Variants in PRPF4 observed in about 807,000 individuals in gnomAD.
PRPF4 encodes the protein pre-mRNA splicing tri-snRNP complex factor PRPF4.
PRPF4 carries 14 observed loss-of-function variants against 72.2 expected under a neutral mutation model. The observed-to-expected ratio is 0.19, with a 90% CI of 0.13 to 0.30. The LOEUF (loss-of-function observed/expected upper bound fraction) is 0.30, where lower values mean the gene tolerates loss of function less well. PRPF4 is among the 10% of genes least tolerant of loss of function. PRPF4 has a pLI of 1.00. For missense variants in PRPF4, 478 were observed against 653.9 expected, an observed-to-expected ratio of 0.73 and a Z score of 2.93; for synonymous variants, 225 against 232.2, an observed-to-expected ratio of 0.97 and a Z score of 0.28.
chr9:113,287,625 C>A (rs1832488525), intron 9 of PRPF4, among the ~76,000 whole-genome samples: 1 of 152,246 alleles, frequency 6.6e-6, no homozygotes, highest in South Asian at 2.1e-4. Flanking sequence ...TCACTCCTCA[C>A]CAGACAGGGT....
Position 113,278,942 on chromosome 9 carries a change from T to C in PRPF4, c.206-3T>C, listed in dbSNP as rs1227817374. 6.2e-6 allele frequency: 10 copies of C among 1,613,812 alleles called. No homozygotes were observed. In the Admixed American group the frequency reaches 6.7e-5, roughly 11 times the overall value. On this transcript the variant is annotated splice_polypyrimidine_tract_variant and splice_region_variant and intron_variant, in intron 2 of 13. Transcript: ENST00000374198. The stretch of plus-strand genomic sequence containing the variant: ...CTGATGTTGCCTGTTTTCTTTTTAA[T>C]AGGAGAAGTGTTTGAAATTGAAGAG...
At position 113,275,702 on chromosome 9, in the gene PRPF4, G is replaced by A. The variant is rs1832066503; in HGVS notation, c.-42G>A. On this transcript the variant is annotated 5_prime_UTR_variant, in exon 1 of 14. It adds an upstream start codon to the 5' untranslated region. Transcript: ENST00000374198. ...CGCGCGGTGGACGGTCTGAAAGGGA[G>A]TGTTCGGGTTTCGCTGGGGCCTCGC... is the stretch of plus-strand genomic sequence containing the variant. 4 of 1,603,916 alleles carry A rather than the reference G, an allele frequency of 2.5e-6. No homozygotes were observed. Among genetic ancestry groups the A allele is most frequent in the Non-Finnish European group, 3.4e-6 (4 of 1,175,256 alleles).
chr9:113,285,118 A>G (rs1832396082), intron 7 of PRPF4, among the ~76,000 whole-genome samples: 1 of 151,860 alleles, frequency 6.6e-6, no homozygotes, highest in Admixed American at 6.6e-5. Context: ...TTCCTGCCGT[A>G]CCTGCTTCAC....
chr9:113,278,851 T>G (rs1761630687), intron 2 of PRPF4, 94 bp from the exon 3 acceptor site: 1 of 1,255,058 alleles, frequency 8.0e-7, no homozygotes. Context: ...GACAGTTACT[T>G]TTCCCTCAGG....
In PRPF4 at chr9:113,292,187, C is replaced by G. The variant is rs1205772327; in HGVS notation, c.*527C>G. 6.6e-6 allele frequency: 1 copy of G among 152,664 alleles called. No individual in the cohort carries two copies. Among genetic ancestry groups the G allele is most frequent in the African/African-American group, 2.4e-5 (1 of 41,272 alleles). The allele number at this position is 152,664 out of a possible 1,614,324, so 9.5% of individuals were successfully genotyped here. A position where few individuals can be genotyped will look rare whatever the true frequency, so the allele number is the denominator to read the frequency against. ...CGAGATTGCGCCATTGCACTCTAGC[C>G]TGTGTGACAGAGCAAGACCCTGTCT... On this transcript the variant is annotated 3_prime_UTR_variant, in exon 14 of 14. Coordinates refer to ENST00000374198, the MANE Select transcript of PRPF4 (RefSeq NM_001244926.2).
intron 9 of PRPF4, among the ~76,000 whole-genome samples, chr9:113,287,745 T>G (rs1832491943): frequency 6.6e-6 from 1 of 152,354 alleles, no homozygotes; most frequent in South Asian, 2.1e-4. Flanking sequence ...AGTTCCCTTT[T>G]TAATTGCGTT....
At position 113,286,263 on chromosome 9, in the gene PRPF4, G is replaced by C. The variant is rs1454573510; in HGVS notation, c.781G>C (p.Asp261His). Residue 261 changes from aspartate (D) to histidine (H), a missense_variant, in exon 8 of 14, where the codon GAT becomes CAT. By Grantham distance (81) the Asp-to-His change is moderately conservative (BLOSUM62 -1). Transcript: ENST00000374198. ...SGLCKLWSVP[D>H]CNLLHTLRGH... Reference sequence around the variant, plus strand: ...GCTTTGCAAGCTCTGGTCTGTTCCTGATTGCAACCTCCTTCACACTCTTCG... The same window carrying C: ...GCTTTGCAAGCTCTGGTCTGTTCCTCATTGCAACCTCCTTCACACTCTTCG... 4 of 1,613,594 alleles carry C rather than the reference G, an allele frequency of 2.5e-6. No individual in the cohort carries two copies. The highest frequency in any genetic ancestry group is 3.4e-6 in the Non-Finnish European group (4 of 1,179,634).
In PRPF4 at chr9:113,291,691, GCT is replaced by G; in HGVS notation, c.*38_*39del. The G allele has an allele frequency of 6.2e-7, 1 of 1,606,516 alleles. No individual in the cohort carries two copies. Among genetic ancestry groups the G allele is most frequent in the East Asian group, 2.2e-5 (1 of 44,804 alleles). On this transcript the variant is annotated 3_prime_UTR_variant, in exon 14 of 14. Transcript: ENST00000374198. ...AATGGGAAAAGGACTTGAACCTCAA[GCT>G]CTCTCTAAGGAGCTGTTTTCCTCAA...
At chr9:113,287,849 GC>G (rs1832494352) in intron 9 of PRPF4, among the ~76,000 whole-genome samples, 1 of 152,218 alleles carries the variant, frequency 6.6e-6, no homozygotes, top group African/African-American at 2.4e-5. Flanking sequence ...AGGAGACTAA[GC>G]CTCATCTCTA....
intron 2 of PRPF4, among the ~76,000 whole-genome samples, chr9:113,277,834 C>G (rs1286937595): frequency 6.6e-6 from 1 of 152,170 alleles, no homozygotes; most frequent in Non-Finnish European, 1.5e-5. Flanking sequence ...TACCCCATCT[C>G]TACAAAAAGT....
chr9:113,291,755 TC>T lies in PRPF4; in HGVS notation c.*96del. The T allele has an allele frequency of 1.6e-6, 2 of 1,268,356 alleles. No individual in the cohort carries two copies. Among genetic ancestry groups the T allele is most frequent in the Non-Finnish European group, 2.2e-6 (2 of 921,194 alleles). The allele number at this position is 1,268,356 out of a possible 1,614,324, so 78.6% of individuals were successfully genotyped here. ...TGAAGTGTTTAGTTCTATCATGTTT[TC>T]TGCCAATTACCATGCATAGACCCTC... On this transcript the variant is annotated 3_prime_UTR_variant, in exon 14 of 14. Transcript: ENST00000374198.
chr9:113,286,699 C>T lies in PRPF4; in HGVS notation c.809-6C>T. The T allele has an allele frequency of 1.9e-6, 3 of 1,614,146 alleles. No homozygotes were observed. The highest frequency in any genetic ancestry group is 2.5e-6 in the Non-Finnish European group (3 of 1,180,012). On this transcript the variant is annotated splice_polypyrimidine_tract_variant and splice_region_variant and intron_variant, in intron 8 of 13. Transcript: ENST00000374198. ...CTTTTAACTTGCATCTCTTACACTC[C>T]TTTAGGGCATAACACAAATGTAGGA... is the stretch of plus-strand genomic sequence containing the variant.
rs565590250 is a variant in PRPF4 at position 113,292,288 on chromosome 9, T to C, written c.*628T>C. On this transcript the variant is annotated 3_prime_UTR_variant, in exon 14 of 14. Coordinates refer to ENST00000374198, the MANE Select transcript of PRPF4 (RefSeq NM_001244926.2). ...CCAGGATTGTGACTGACTCTGCATTTTTAATTCTTGAAACTTGGCTTTCCA... is the reference window on the plus strand; with the variant it reads ...CCAGGATTGTGACTGACTCTGCATTCTTAATTCTTGAAACTTGGCTTTCCA... 6 of 152,498 alleles carry C rather than the reference T, an allele frequency of 3.9e-5. No individual in the cohort carries two copies. The highest frequency in any genetic ancestry group is 1.4e-4 in the African/African-American group (6 of 41,574). 9.4% of individuals were successfully genotyped at this position (152,498 alleles called of 1,614,324 possible).
chr9:113,291,695 T>G lies in PRPF4; in HGVS notation c.*35T>G, dbSNP rs1433281710. On this transcript the variant is annotated 3_prime_UTR_variant, in exon 14 of 14. Transcript: ENST00000374198. ...GGAAAAGGACTTGAACCTCAAGCTC[T>G]CTCTAAGGAGCTGTTTTCCTCAAAC... 1.0e-5 allele frequency: 16 copies of G among 1,590,730 alleles called. No homozygotes were observed. The highest frequency in any genetic ancestry group is 1.3e-5 in the Non-Finnish European group (15 of 1,160,840).
rs777772133 is a variant in PRPF4 at position 113,290,513 on chromosome 9, T to A, written c.1070T>A (p.Ile357Asn). Residue 357 changes from isoleucine (I) to asparagine (N), a missense_variant, in exon 11 of 14, where the codon ATC (isoleucine) becomes AAC (asparagine). Transcript: ENST00000374198. ...RLWDLEAQEE[I>N]LHQEGHSMGV... ...TGGGATTTGGAGGCTCAAGAGGAGA[T>A]CCTGCATCAGGAAGGCCATAGCATG... The A allele has an allele frequency of 3.7e-6, 6 of 1,614,164 alleles. No homozygotes were observed. The highest frequency in any genetic ancestry group is 5.1e-6 in the Non-Finnish European group (6 of 1,180,026).
At chr9:113,284,258 TA>T in intron 6 of PRPF4, 36 bp from the exon 7 acceptor site, 1 of 1,459,832 alleles carries the variant, frequency 6.9e-7, no homozygotes, top group Non-Finnish European at 9.6e-7. Context: ...ATTAACCTAT[TA>T]ATGATCACCG....
chr9:113,286,962 G>T, intron 9 of PRPF4, 134 bp downstream of exon 9: 1 of 1,310,692 alleles, frequency 7.6e-7, no homozygotes, highest in Non-Finnish European at 1.1e-6. Context: ...TGAGGCAGGA[G>T]AATTGCTTAA....
rs1424755598 is a variant in PRPF4, at chr9:113,291,789, T to C, written c.*129T>C. 3 of 959,026 alleles carry C rather than the reference T, an allele frequency of 3.1e-6. No individual in the cohort carries two copies. In the Admixed American group the frequency reaches 8.6e-5, roughly 28 times the overall value. 59.4% of individuals were successfully genotyped at this position (959,026 alleles called of 1,614,324 possible). A position where few individuals can be genotyped will look rare whatever the true frequency, so the allele number is the denominator to read the frequency against. On this transcript the variant is annotated 3_prime_UTR_variant, in exon 14 of 14. Coordinates refer to ENST00000374198, the MANE Select transcript of PRPF4 (RefSeq NM_001244926.2). ...TACCATGCATAGACCCTCAGTAGAATTGGATTTCCATGTCAGCCCCCACTC... is the reference window on the plus strand; with the variant it reads ...TACCATGCATAGACCCTCAGTAGAACTGGATTTCCATGTCAGCCCCCACTC...
In PRPF4 at chr9:113,286,713, A is replaced by G; in HGVS notation, c.817A>G (p.Thr273Ala). ...CTCTTACACTCCTTTAGGGCATAAC[A>G]CAAATGTAGGAGCAATTGTATTCCA... ...NLLHTLRGHN[T>A]NVGAIVFHPK... Residue 273 changes from threonine to alanine, a missense_variant, in exon 9 of 14, where the codon ACA becomes GCA. Thr to Ala is a moderately conservative substitution (Grantham distance 58, BLOSUM62 0). Coordinates refer to ENST00000374198, the MANE Select transcript of PRPF4 (RefSeq NM_001244926.2). The G allele has an allele frequency of 1.2e-6, 2 of 1,614,204 alleles. No individual in the cohort carries two copies. Among genetic ancestry groups the G allele is most frequent in the South Asian group, 1.1e-5 (1 of 91,086 alleles).
Sources: allele counts gnomAD v4.1 joint callset (sites outside exome capture counted in the v4.1 genomes callset), GRCh38; gene constraint gnomAD v4.1.1; transcripts MANE v1.5; gene names NCBI Gene and HGNC (gene_info 2026-07-23, HGNC 2026-07-21).